AGAP1: variants seen among roughly 807,000 people sequenced by gnomAD.
AGAP1 encodes ArfGAP with GTPase domain, ankyrin repeat and PH domain 1, also known as arf-GAP with GTPase, ANK repeat and PH domain-containing protein 1.
A neutral mutation model predicts 105.3 loss-of-function variants in AGAP1; 29 were observed. The ratio of observed to expected loss-of-function variants is 0.28; its 90% CI spans 0.21 to 0.38. The LOEUF is 0.38. Ranked by LOEUF, AGAP1 falls within the 10% of genes least tolerant of loss-of-function variation. The pLI is 1.00. For missense variants in AGAP1, 998 were observed against 1,165.1 expected (o/e 0.86, Z 2.09); for synonymous variants, 509 against 485.9 (o/e 1.05, Z -0.63).
chr2:236,017,919 C>T (rs1347268923), intron 13 of AGAP1, among the ~76,000 whole-genome samples: 1 of 152,170 alleles, frequency 6.6e-6, no homozygotes, highest in African/African-American at 2.4e-5. Flanking sequence ...GTGCCCAGAT[C>T]TCTTGACTGT....
At position 235,689,468 on chromosome 2, in the gene AGAP1, G is replaced by C. The variant is rs1949633627; in HGVS notation, c.164-19711G>C. Reference sequence around the variant, plus strand: ...TAACAATTTTGACTGCAGAGAGGCAGGCAGAATAGCTTGTCCAGGAAAATA... The same window carrying C: ...TAACAATTTTGACTGCAGAGAGGCACGCAGAATAGCTTGTCCAGGAAAATA... On this transcript the variant is annotated intron_variant, in intron 1 of 17. Coordinates refer to ENST00000304032, the MANE Select transcript of AGAP1 (RefSeq NM_001037131.3). This position sits in a 1 kb window ranked among gnomAD's most constrained non-coding sequence, Gnocchi z 4.2. 6.6e-6 allele frequency among the ~76,000 whole-genome samples: 1 copy of C among 152,262 alleles called. No homozygotes were observed. Among genetic ancestry groups the C allele is most frequent in the South Asian group, 2.1e-4 (1 of 4,836 alleles).
chr2:236,052,392 C>A (rs1213278623), intron 16 of AGAP1, among the ~76,000 whole-genome samples: 5 of 152,138 alleles, frequency 3.3e-5, no homozygotes, highest in Admixed American at 1.3e-4. Flanking sequence ...TCCAAAGAGA[C>A]CGCCGCACAC....
At position 235,934,199 on chromosome 2, in the gene AGAP1, G is replaced by C. The variant is rs2052871545; in HGVS notation, c.1483+3276G>C. Among the ~76,000 whole-genome samples, 1 of 152,188 alleles carries C rather than the reference G, an allele frequency of 6.6e-6. No individual in the cohort carries two copies. Among genetic ancestry groups the C allele is most frequent in the South Asian group, 2.1e-4 (1 of 4,830 alleles). On this transcript the variant is annotated intron_variant, in intron 12 of 17. Coordinates refer to ENST00000304032, the MANE Select transcript of AGAP1 (RefSeq NM_001037131.3). This position sits in a 1 kb window ranked among gnomAD's most constrained non-coding sequence, Gnocchi z 4.9. ...CCACTGAATCCAGTCCTCAGGGGAT[G>C]GGACCAGGCAACCTGTGTATAGCAA...
chr2:235,722,629 C>T (rs1575228038), intron 3 of AGAP1, among the ~76,000 whole-genome samples: 1 of 152,288 alleles, frequency 6.6e-6, no homozygotes, highest in East Asian at 1.9e-4. Flanking sequence ...TAGGGCCCAT[C>T]CTCCTCCAGC....
chr2:236,063,945 T>G (rs1269944143), intron 16 of AGAP1, among the ~76,000 whole-genome samples: 1 of 152,238 alleles, frequency 6.6e-6, no homozygotes, highest in African/African-American at 2.4e-5. Context: ...ATCTCTGATG[T>G]ACGTGATCTA....
Position 235,700,874 on chromosome 2 carries a change from A to G in AGAP1, c.164-8305A>G, listed in dbSNP as rs1950214156. Reference sequence around the variant, plus strand: ...ATATATTGTATACTCTACATAGTATATATTTATAATATATGTATATAATGT... The same window carrying G: ...ATATATTGTATACTCTACATAGTATGTATTTATAATATATGTATATAATGT... On this transcript the variant is annotated intron_variant, in intron 1 of 17. Coordinates refer to ENST00000304032, the MANE Select transcript of AGAP1 (RefSeq NM_001037131.3). The surrounding 1 kb of genome is among the most constrained non-coding windows in gnomAD (Gnocchi z 6.1). Among the ~76,000 whole-genome samples, 1 of 147,924 alleles carries G rather than the reference A, an allele frequency of 6.8e-6. No homozygotes were observed. Among genetic ancestry groups the G allele is most frequent in the African/African-American group, 2.5e-5 (1 of 40,642 alleles).
rs771999225 is a variant in AGAP1, at chr2:235,874,918, C to T, written c.1051-8427C>T. 6.6e-6 allele frequency among the ~76,000 whole-genome samples: 1 copy of T among 152,204 alleles called. No individual in the cohort carries two copies. The highest frequency in any genetic ancestry group is 1.5e-5 in the Non-Finnish European group (1 of 68,034). Reference sequence around the variant, plus strand: ...CTCTTATCAGAGAAATTGTCAATATCATGGCCCCACATTTCCATTAGATAG... The same window carrying T: ...CTCTTATCAGAGAAATTGTCAATATTATGGCCCCACATTTCCATTAGATAG... On this transcript the variant is annotated intron_variant, in intron 9 of 17. Coordinates refer to ENST00000304032, the MANE Select transcript of AGAP1 (RefSeq NM_001037131.3). The surrounding 1 kb of genome is among the most constrained non-coding windows in gnomAD (Gnocchi z 4.5).
rs373265036 is a variant in AGAP1, at chr2:235,997,491, G to A, written c.1645+28868G>A. Among the ~76,000 whole-genome samples the A allele has an allele frequency of 9.2e-5, 14 of 152,286 alleles. No homozygotes were observed. The East Asian group carries it at 2.5e-3, about 27-fold the overall frequency. On this transcript the variant is annotated intron_variant, in intron 13 of 17. Transcript: ENST00000304032. ...CTCTACTACCTTAAGGTTAGTGTTT[G>A]GTATTTTTGTAGCGCGGCCATACAT...
At chr2:235,650,346 A>G (rs1230367220) in intron 1 of AGAP1, among the ~76,000 whole-genome samples, 1 of 152,158 alleles carries the variant, frequency 6.6e-6, no homozygotes, top group Non-Finnish European at 1.5e-5. Flanking sequence ...TGGGTCACAG[A>G]GTGAGTTCTG....
chr2:235,766,336 T>TCCAA (rs2149814751), intron 6 of AGAP1, among the ~76,000 whole-genome samples: 1 of 152,344 alleles, frequency 6.6e-6, no homozygotes, highest in Non-Finnish European at 1.5e-5. Flanking sequence ...AGAAGGACCG[T>TCCAA]ATGGCCCATG....
chr2:236,011,039 C>T (rs6731465), intron 13 of AGAP1, among the ~76,000 whole-genome samples: 34,349 of 152,054 alleles, frequency 0.23, 4,461 homozygotes, highest in African/African-American at 0.35. Context: ...CAGTGCAAGA[C>T]TCCATCTCAA....
At chr2:235,897,157 G>A (rs377052418) in intron 10 of AGAP1, among the ~76,000 whole-genome samples, 3 of 151,942 alleles carry the variant, frequency 2.0e-5, no homozygotes, top group Admixed American at 6.6e-5. Flanking sequence ...ATCTCAGCTC[G>A]CTGCAACCTC....
intron 9 of AGAP1, among the ~76,000 whole-genome samples, chr2:235,849,394 G>T (rs1357982232): frequency 6.6e-6 from 1 of 152,184 alleles, no homozygotes; most frequent in Non-Finnish European, 1.5e-5. Context: ...AGTATTCATT[G>T]TTCGAAATCA....
At chr2:235,707,783 C>T (rs1215565324) in intron 1 of AGAP1, among the ~76,000 whole-genome samples, 1 of 149,212 alleles carries the variant, frequency 6.7e-6, no homozygotes, top group African/African-American at 2.5e-5. Flanking sequence ...TGTGCTCCCT[C>T]CCCAGCGTGT....
In AGAP1 at chr2:235,968,588, A is replaced by G; in HGVS notation, c.1610A>G (p.Asn537Ser). Residue 537 changes from asparagine (N) to serine (S), a missense_variant, in exon 13 of 18, where the codon AAC (asparagine) becomes AGC (serine). By Grantham distance (46) the Asn-to-Ser change is conservative (BLOSUM62 1). Coordinates refer to ENST00000304032, the MANE Select transcript of AGAP1 (RefSeq NM_001037131.3). ...CACCGAAGGAAGAAAAGCACTAGCA[A>G]CTTCAAAGCCGACGGCCTGTCCGGC... ...KKHRRKKSTS[N>S]FKADGLSGTA... 1 of 1,434,372 alleles carries G rather than the reference A, an allele frequency of 7.0e-7. No homozygotes were observed. Among genetic ancestry groups the G allele is most frequent in the Non-Finnish European group, 9.4e-7 (1 of 1,068,134 alleles). 88.9% of individuals were successfully genotyped at this position (1,434,372 alleles called of 1,614,324 possible). A position where few individuals can be genotyped will look rare whatever the true frequency, so the allele number is the denominator to read the frequency against.
rs1324973929 is a variant in AGAP1 at position 235,621,265 on chromosome 2, G to A, written c.164-87914G>A. ...TTGAACTCCTGACCTCTGGTGATCCGCCCACCTCGGCCTCCCAAAGTGCTA... is the reference window on the plus strand; with the variant it reads ...TTGAACTCCTGACCTCTGGTGATCCACCCACCTCGGCCTCCCAAAGTGCTA... On this transcript the variant is annotated intron_variant, in intron 1 of 17. Coordinates refer to ENST00000304032, the MANE Select transcript of AGAP1 (RefSeq NM_001037131.3). This position sits in a 1 kb window ranked among gnomAD's most constrained non-coding sequence, Gnocchi z 4.1. Among the ~76,000 whole-genome samples the A allele has an allele frequency of 1.3e-5, 2 of 152,180 alleles. No individual in the cohort carries two copies. Among genetic ancestry groups the A allele is most frequent in the East Asian group, 1.9e-4 (1 of 5,164 alleles).
rs1951345886 is a variant in AGAP1 at position 235,720,828 on chromosome 2, C to G, written c.310+3184C>G. 5.5e-6 allele frequency: 3 copies of G among 545,710 alleles called. No individual in the cohort carries two copies. The highest frequency in any genetic ancestry group is 7.0e-6 in the Non-Finnish European group (3 of 428,876). 33.8% of individuals were successfully genotyped at this position (545,710 alleles called of 1,614,324 possible). ...GGGGAGAGCTCTCTCGTGGTAGAAA[C>G]ATTTCTGGTGCAGAGCCGTCTCCAG... On this transcript the variant is annotated intron_variant, in intron 3 of 17. Transcript: ENST00000304032. This position sits in a 1 kb window ranked among gnomAD's most constrained non-coding sequence, Gnocchi z 5.0.
At chr2:235,648,388 C>T (rs556517410) in intron 1 of AGAP1, among the ~76,000 whole-genome samples, 3 of 152,350 alleles carry the variant, frequency 2.0e-5, no homozygotes, top group Admixed American at 6.5e-5. Context: ...GAGAAATGCA[C>T]TCTTGGAACC....
chr2:236,081,815 C>T (rs891110235), intron 16 of AGAP1, among the ~76,000 whole-genome samples: 1 of 152,060 alleles, frequency 6.6e-6, no homozygotes, highest in Non-Finnish European at 1.5e-5. Flanking sequence ...GCTGCAATAG[C>T]TCATGCATTT....
Sources: gnomAD v4.1 joint callset for allele counts (sites outside exome capture counted in the v4.1 genomes callset) on GRCh38, gnomAD v4.1.1 for gene constraint, Gnocchi (gnomAD v3.1) non-coding constraint, MANE v1.5 for transcripts, NCBI Gene and HGNC (gene_info 2026-07-23, HGNC 2026-07-21) for gene names.